The following HACE1 variants were observed in gnomAD, a reference collection of about 807,000 sequenced individuals.
HACE1 encodes the protein HECT domain and ankyrin repeat containing E3 ubiquitin protein ligase 1.
Under a neutral mutation model 118.4 loss-of-function variants are expected in HACE1, and 73 were observed. The observed-to-expected ratio is 0.62, with a 90% confidence interval of 0.51 to 0.75. The LOEUF (loss-of-function observed/expected upper bound fraction) is 0.75, where lower values mean the gene tolerates loss of function less well. Ranked by LOEUF, HACE1 falls within the 30% of genes least tolerant of loss-of-function variation. HACE1 has a pLI of 0.00. For missense variants in HACE1, 749 were observed against 1,102.2 expected (o/e 0.68, Z 4.54); for synonymous variants, 368 against 374.8 (o/e 0.98, Z 0.21).
intron 4 of HACE1, among the ~76,000 whole-genome samples, chr6:104,846,170 T>C (rs1206257818): frequency 3.3e-5 from 5 of 152,220 alleles, no homozygotes; most frequent in African/African-American, 2.4e-5. Context: ...TATCTTTCTA[T>C]TGAACAACCA....
At chr6:104,773,250 C>G (rs577456975) in intron 17 of HACE1, among the ~76,000 whole-genome samples, 1 of 152,130 alleles carries the variant, frequency 6.6e-6, no homozygotes, top group African/African-American at 2.4e-5. Flanking sequence ...ACGGATAAAC[C>G]TAATGAAATA....
At chr6:104,794,808 G>C (rs1330571676) in intron 10 of HACE1, among the ~76,000 whole-genome samples, 1 of 152,118 alleles carries the variant, frequency 6.6e-6, no homozygotes, top group Non-Finnish European at 1.5e-5. Flanking sequence ...GGGAGGCTGA[G>C]GCAGGAGAAT....
intron 7 of HACE1, among the ~76,000 whole-genome samples, chr6:104,809,336 C>T (rs1468612728): frequency 2.0e-5 from 3 of 152,118 alleles, no homozygotes; most frequent in Non-Finnish European, 4.4e-5. Context: ...GAACGACCTG[C>T]TTAGATTGGT....
At chr6:104,848,328 T>C (rs1347943489) in intron 4 of HACE1, among the ~76,000 whole-genome samples, 1 of 151,102 alleles carries the variant, frequency 6.6e-6, no homozygotes, top group African/African-American at 2.4e-5. Context: ...TGGTGGCACG[T>C]GCCTGTAATC....
At chr6:104,857,728 C>T (rs1221155754) in intron 1 of HACE1, among the ~76,000 whole-genome samples, 1 of 151,258 alleles carries the variant, frequency 6.6e-6, no homozygotes, top group Admixed American at 6.6e-5. Context: ...GAGGCCGAGG[C>T]GGGCAGATCA....
intron 22 of HACE1, among the ~76,000 whole-genome samples, chr6:104,737,099 G>A (rs972606307): frequency 4.0e-5 from 6 of 149,432 alleles, no homozygotes; most frequent in Admixed American, 2.7e-4. Context: ...GCTTGGCCAC[G>A]ATGGTGAAAC....
In HACE1 at chr6:104,850,927, GCTT is replaced by G; in HGVS notation, c.198_200del (p.Arg66del). 1 of 1,606,482 alleles carries G rather than the reference GCTT, an allele frequency of 6.2e-7. No homozygotes were observed. The highest frequency in any genetic ancestry group is 8.5e-7 in the Non-Finnish European group (1 of 1,173,054). On this transcript the variant is annotated inframe_deletion, in exon 3 of 24. Coordinates refer to ENST00000262903, the MANE Select transcript of HACE1 (RefSeq NM_020771.4). ...CTTACTTTGCTGCAATGTGAAGCAA[GCTT>G]CTTTTCACACGTCCGAATGCATAAT...
intron 17 of HACE1, among the ~76,000 whole-genome samples, chr6:104,774,393 CTT>C (rs1160033149): frequency 1.4e-5 from 1 of 73,744 alleles, no homozygotes; most frequent in African/African-American, 6.2e-5. Flanking sequence ...CCCGGCCTCT[CTT>C]TTTTTTTTGA....
At chr6:104,810,607 G>T (rs1771494786) in intron 7 of HACE1, among the ~76,000 whole-genome samples, 1 of 151,992 alleles carries the variant, frequency 6.6e-6, no homozygotes, top group Non-Finnish European at 1.5e-5. Flanking sequence ...GTGTGGGTGT[G>T]ACGGCATGTG....
At chr6:104,808,054 C>T (rs1047750429) in intron 7 of HACE1, among the ~76,000 whole-genome samples, 13 of 151,928 alleles carry the variant, frequency 8.6e-5, no homozygotes, top group South Asian at 2.1e-4. Flanking sequence ...GGTGTGGTGG[C>T]GCATGCCTGT....
intron 22 of HACE1, among the ~76,000 whole-genome samples, chr6:104,732,945 C>T (rs1562245710): frequency 1.3e-5 from 2 of 152,296 alleles, no homozygotes; most frequent in East Asian, 3.9e-4. Context: ...TTATAAGACA[C>T]TAATGCATAA....
rs996353345 is a variant in HACE1 at position 104,834,973 on chromosome 6, A to C, written c.403-1800T>G. Among the ~76,000 whole-genome samples, 10 of 152,244 alleles carry C rather than the reference A, an allele frequency of 6.6e-5. No homozygotes were observed. The East Asian group carries it at 1.9e-3, about 29-fold the overall frequency. On this transcript the variant is annotated intron_variant, in intron 5 of 23. Transcript: ENST00000262903. The stretch of plus-strand genomic sequence containing the variant: ...TAGATAAGAGACAACAGGCACATTG[A>C]ACAAAGAATACCACACTAAAAAGGG...
chr6:104,747,204 T>G (rs1392166924), intron 20 of HACE1, among the ~76,000 whole-genome samples: 5 of 152,158 alleles, frequency 3.3e-5, no homozygotes, highest in Non-Finnish European at 5.9e-5. Context: ...TACTAATAGT[T>G]AGAAACTGAA....
At chr6:104,789,439 TAAGA>T (rs1414003453) in intron 11 of HACE1, among the ~76,000 whole-genome samples, 1 of 151,864 alleles carries the variant, frequency 6.6e-6, no homozygotes, top group Non-Finnish European at 1.5e-5. Context: ...ATTCTTGAAA[TAAGA>T]AAGTATTTAT....
At chr6:104,773,044 CA>C (rs11422855) in intron 17 of HACE1, among the ~76,000 whole-genome samples, 19 of 148,172 alleles carry the variant, frequency 1.3e-4, no homozygotes, top group Admixed American at 3.4e-4. Context: ...AAAAAAGTCT[CA>C]AAAAAAAAAT....
intron 7 of HACE1, among the ~76,000 whole-genome samples, chr6:104,810,784 ATAACT>A (rs1017381640): frequency 1.4e-4 from 21 of 152,206 alleles, no homozygotes; most frequent in African/African-American, 3.9e-4. Flanking sequence ...AAATACAAAA[ATAACT>A]TAATGTATAA....
intron 12 of HACE1, 115 bp downstream of exon 12, chr6:104,784,870 A>T: frequency 1.4e-6 from 1 of 730,828 alleles, no homozygotes; most frequent in Admixed American, 2.3e-5. Context: ...TCTTAAAACA[A>T]GGAGAAAACT....
chr6:104,813,821 A>G (rs1017600187), intron 6 of HACE1, among the ~76,000 whole-genome samples: 1 of 138,160 alleles, frequency 7.2e-6, no homozygotes, highest in Non-Finnish European at 1.6e-5. Flanking sequence ...CAACTGAAAA[A>G]TGAAACTCAG....
In HACE1 at chr6:104,744,660, TTA is replaced by T. The variant is rs565723424; in HGVS notation, c.2344-52_2344-51del. On this transcript the variant is annotated intron_variant, in intron 20 of 23. Transcript: ENST00000262903. Reference sequence around the variant, plus strand: ...CAATAATTTTCTTTAGGGAAAAAAGTTATTATATTTAAGTGGTAAATTTGCCA... The same window carrying T: ...CAATAATTTTCTTTAGGGAAAAAAGTTTATATTTAAGTGGTAAATTTGCCA... The T allele has an allele frequency of 2.9e-3, 3,046 of 1,055,208 alleles. 18 individuals are homozygous for T. The highest frequency in any genetic ancestry group is 3.2e-3 in the Non-Finnish European group (2,167 of 679,008). 65.4% of individuals were successfully genotyped at this position (1,055,208 alleles called of 1,614,324 possible). A position where few individuals can be genotyped will look rare whatever the true frequency, so the allele number is the denominator to read the frequency against.
Sources: allele counts gnomAD v4.1 joint callset (sites outside exome capture counted in the v4.1 genomes callset), GRCh38; gene constraint gnomAD v4.1.1; transcripts MANE v1.5; gene names NCBI Gene and HGNC (gene_info 2026-07-23, HGNC 2026-07-21).